Variants in NAV3 observed in about 807,000 individuals in gnomAD.
NAV3 encodes pore membrane and/or filament interacting like protein 1.
In NAV3, 87 loss-of-function variants were observed where a neutral mutation model predicts 244.7. The observed-to-expected ratio is 0.36, with a 90% CI of 0.30 to 0.42. NAV3 has a LOEUF of 0.42. Ranked by LOEUF, NAV3 falls within the 20% of genes least tolerant of loss-of-function variation. The pLI is 1.00. For synonymous variants in NAV3, 1,126 were observed against 1,042.2 expected (o/e 1.08, Z -1.55); for missense variants, 2,663 against 2,893.3 (o/e 0.92, Z 1.83).
chr12:78,056,527 G>A (rs1488393361), intron 11 of NAV3, among the ~76,000 whole-genome samples: 1 of 152,134 alleles, frequency 6.6e-6, no homozygotes, highest in Non-Finnish European at 1.5e-5. Flanking sequence ...TCAGGAGTTC[G>A]AGACCATCTT....
rs1870106559 is a variant in NAV3, at chr12:77,595,060, T to A, written c.72+22794T>A. Reference sequence around the variant, plus strand: ...TCTAGCAATCCCTCTTCTAGGTATATGCCTAAGGAAAATGAAATCAGTACC... The same window carrying A: ...TCTAGCAATCCCTCTTCTAGGTATAAGCCTAAGGAAAATGAAATCAGTACC... On this transcript the variant is annotated intron_variant, in intron 2 of 8. Transcript: ENST00000550042. Among the ~76,000 whole-genome samples, 3 of 152,166 alleles carry A rather than the reference T, an allele frequency of 2.0e-5. No individual in the cohort carries two copies. In the South Asian group the frequency reaches 6.2e-4, roughly 32 times the overall value.
At chr12:78,176,661 A>G (rs1270641494) in intron 26 of NAV3, among the ~76,000 whole-genome samples, 1 of 152,116 alleles carries the variant, frequency 6.6e-6, no homozygotes. Context: ...GGGGATACCA[A>G]TTCTGGTTTT....
Position 78,007,007 on chromosome 12 carries a change from A to G in NAV3, c.1469A>G (p.Gln490Arg), listed in dbSNP as rs2136581549. Reference protein sequence around the residue: ...TEKPVKEEKDQVTEMAPKKTS... With the variant: ...TEKPVKEEKDRVTEMAPKKTS... ...AAACCAGTCAAAGAAGAGAAGGATCAGGTGACAGAGATGGCTCCAAAAAAG... is the reference window on the plus strand; with the variant it reads ...AAACCAGTCAAAGAAGAGAAGGATCGGGTGACAGAGATGGCTCCAAAAAAG... The change falls in exon 8 of 40, where the codon CAG (glutamine) becomes CGG (arginine). Residue 490 changes from glutamine (Q) to arginine (R), a missense_variant. Gln to Arg is a conservative substitution (Grantham distance 43). This residue lies in a region of NAV3 where 1,521 missense variants were observed against 1,497.0 expected (regional missense o/e 1.02). Transcript: ENST00000397909. The G allele has an allele frequency of 1.9e-6, 3 of 1,614,172 alleles. No homozygotes were observed. Among genetic ancestry groups the G allele is most frequent in the Non-Finnish European group, 2.5e-6 (3 of 1,180,024 alleles).
At chr12:77,843,786 C>A (rs994138513) in intron 1 of NAV3, among the ~76,000 whole-genome samples, 1 of 150,828 alleles carries the variant, frequency 6.6e-6, no homozygotes, top group Admixed American at 6.6e-5. Context: ...TCACAAAGGG[C>A]GGGGGGCATT....
chr12:77,741,982 G>C (rs1211948908), intron 2 of NAV3, among the ~76,000 whole-genome samples: 1 of 151,860 alleles, frequency 6.6e-6, no homozygotes, highest in African/African-American at 2.4e-5. Context: ...AATCTCTTTT[G>C]ACCTTCATAT....
chr12:77,810,379 G>A (rs1872227170), intron 2 of NAV3, among the ~76,000 whole-genome samples: 2 of 152,210 alleles, frequency 1.3e-5, no homozygotes, highest in South Asian at 4.1e-4. Flanking sequence ...CACTGTGTTA[G>A]CCAGGATGGT....
chr12:77,616,751 C>T (rs1592507306), intron 2 of NAV3, among the ~76,000 whole-genome samples: 1 of 152,058 alleles, frequency 6.6e-6, no homozygotes, highest in East Asian at 1.9e-4. Context: ...CACACACACA[C>T]ACGATTATGT....
intron 2 of NAV3, among the ~76,000 whole-genome samples, chr12:77,664,571 A>T (rs1873629459): frequency 6.6e-6 from 1 of 152,220 alleles, no homozygotes; most frequent in Non-Finnish European, 1.5e-5. Flanking sequence ...TACTCTGCTA[A>T]AGTCACAGAT....
At chr12:78,078,485 TC>T (rs1470437119) in intron 12 of NAV3, among the ~76,000 whole-genome samples, 1 of 131,944 alleles carries the variant, frequency 7.6e-6, no homozygotes, top group Non-Finnish European at 1.6e-5. Context: ...AAGCTCCGCC[TC>T]CCGGGTTCAC....
At chr12:78,050,617 C>T (rs1882596354) in intron 10 of NAV3, 147 bp from the exon 11 acceptor site, 8 of 850,780 alleles carry the variant, frequency 9.4e-6, no homozygotes, top group Non-Finnish European at 1.4e-5. Context: ...ACAATTTGAC[C>T]TCAAAATGAA....
chr12:78,036,853 C>T, intron 9 of NAV3: 1 of 676,530 alleles, frequency 1.5e-6, no homozygotes, highest in South Asian at 1.5e-5. Context: ...GAAGGAGCCA[C>T]TGGAAGAATC....
intron 2 of NAV3, among the ~76,000 whole-genome samples, chr12:77,599,298 T>G (rs1349897985): frequency 6.6e-6 from 1 of 152,042 alleles, no homozygotes; most frequent in Admixed American, 6.6e-5. Flanking sequence ...TCTTGAATTA[T>G]TCAATTGTAT....
intron 2 of NAV3, among the ~76,000 whole-genome samples, chr12:77,801,029 C>G (rs2135970151): frequency 6.6e-6 from 1 of 152,108 alleles, no homozygotes; most frequent in East Asian, 1.9e-4. Context: ...GATTTGTGTA[C>G]CTGAGATTGA....
At chr12:77,829,493 T>C (rs1050679514), upstream of NAV3, among the ~76,000 whole-genome samples, 1 of 152,126 alleles carries the variant, frequency 6.6e-6, no homozygotes, top group Non-Finnish European at 1.5e-5. Flanking sequence ...GCATATGTCT[T>C]ATTATGAACT....
chr12:77,758,221 A>T (rs1869281622), intron 2 of NAV3, among the ~76,000 whole-genome samples: 1 of 152,082 alleles, frequency 6.6e-6, no homozygotes, highest in African/African-American at 2.4e-5. Flanking sequence ...TTTTACCTGG[A>T]TATACTTTTT....
chr12:77,758,588 T>C (rs1869308133), intron 2 of NAV3, among the ~76,000 whole-genome samples: 1 of 152,202 alleles, frequency 6.6e-6, no homozygotes, highest in African/African-American at 2.4e-5. Flanking sequence ...AAGTAACCAG[T>C]TATACGCAGT....
intron 6 of NAV3, 38 bp downstream of exon 6, chr12:77,994,909 T>G (rs369834543): frequency 1.4e-6 from 2 of 1,396,500 alleles, no homozygotes; most frequent in African/African-American, 2.9e-5. Flanking sequence ...TTATTAGTGA[T>G]ATGCAAATAA....
chr12:77,889,475 A>G (rs1284518643), intron 1 of NAV3, among the ~76,000 whole-genome samples: 1 of 152,196 alleles, frequency 6.6e-6, no homozygotes, highest in Non-Finnish European at 1.5e-5. Context: ...TGAGTAATAT[A>G]GGTAGACATA....
At chr12:78,032,453 G>A (rs1343532305) in intron 9 of NAV3, among the ~76,000 whole-genome samples, 1 of 152,132 alleles carries the variant, frequency 6.6e-6, no homozygotes, top group Non-Finnish European at 1.5e-5. Flanking sequence ...CTGGATAAAT[G>A]ACTTTTTCAA....
Sources: gnomAD v4.1 joint callset for allele counts (sites outside exome capture counted in the v4.1 genomes callset) on GRCh38, gnomAD v4.1.1 for gene constraint, gnomAD v4.1.1 regional missense constraint, MANE v1.5 for transcripts, NCBI Gene and HGNC (gene_info 2026-07-23, HGNC 2026-07-21) for gene names.